DHX36: variants seen among roughly 807,000 people sequenced by gnomAD.
The protein encoded by DHX36 is DEAH-box helicase 36, also known as ATP-dependent DNA/RNA helicase DHX36.
A neutral mutation model predicts 139.0 loss-of-function variants in DHX36; 50 were observed. That is an observed-to-expected ratio of 0.36 (90% CI 0.29 to 0.46). The LOEUF is 0.46. Among genes scored for constraint, DHX36 ranks in the 20% least tolerant of loss-of-function variants. DHX36 has a pLI of 1.00. For synonymous variants in DHX36, 425 were observed against 401.9 expected (o/e 1.06, Z -0.69); for missense variants, 1,024 against 1,211.3 (o/e 0.85, Z 2.29).
rs75588646 is a variant in DHX36, at chr3:154,307,884, T to C, written c.814-1589A>G. ...CGGAATCAATCTAAGTGCTCATCAA[T>C]GGATGACTGGATAAGGAAAATGTGG... On this transcript the variant is annotated intron_variant, in intron 5 of 24. Coordinates refer to ENST00000496811, the MANE Select transcript of DHX36 (RefSeq NM_020865.3). Among the ~76,000 whole-genome samples the C allele has an allele frequency of 2.3e-3, 346 of 152,088 alleles. 10 individuals are homozygous for C. In the East Asian group the frequency reaches 0.034, roughly 15 times the overall value.
At position 154,293,536 on chromosome 3, in the gene DHX36, C is replaced by T. The variant is rs549097869; in HGVS notation, c.1670+212G>A. Among the ~76,000 whole-genome samples the T allele has an allele frequency of 3.3e-5, 5 of 152,222 alleles. No individual in the cohort carries two copies. The South Asian group carries it at 1.0e-3, about 32-fold the overall frequency. ...GATCAAGGCTGCAGTGAGCCATGAT[C>T]GTGCCACTGCACTGCAGCATGGGTG... On this transcript the variant is annotated intron_variant, in intron 14 of 24. Transcript: ENST00000496811.
intron 15 of DHX36, among the ~76,000 whole-genome samples, chr3:154,292,215 T>C (rs112777238): frequency 8.4e-4 from 128 of 152,302 alleles, no homozygotes; most frequent in African/African-American, 2.8e-3. Context: ...GGATCAAGTG[T>C]TCAGGAGATG....
At chr3:154,318,925 T>C (rs1420699365) in intron 1 of DHX36, among the ~76,000 whole-genome samples, 1 of 152,206 alleles carries the variant, frequency 6.6e-6, no homozygotes, top group Admixed American at 6.5e-5. Flanking sequence ...CAGAGAAGTC[T>C]GTCAATGGAA....
At position 154,324,225 on chromosome 3, in the gene DHX36, C is replaced by A. The variant is rs866694888; in HGVS notation, c.192G>T (p.Met64Ile). The A allele has an allele frequency of 6.2e-7, 1 of 1,613,508 alleles. No homozygotes were observed. The highest frequency in any genetic ancestry group is 1.3e-5 in the African/African-American group (1 of 74,918). ...TCTGCCCCTGTTTTTTCGCGTACCA[C>A]ATGCCGATTTCGCGGCCTTTCAGGT... ...PGHLKGREIG[M>I]WYAKKQGQKN... The change falls in exon 1 of 25, where the codon ATG (methionine) becomes ATT (isoleucine). Residue 64 changes from methionine to isoleucine, a missense_variant. Physicochemically the swap from Met to Ile is conservative, Grantham distance 10. This residue lies in a region of DHX36 where 293 missense variants were observed against 274.4 expected (regional missense o/e 1.07). Coordinates refer to ENST00000496811, the MANE Select transcript of DHX36 (RefSeq NM_020865.3).
intron 12 of DHX36, among the ~76,000 whole-genome samples, chr3:154,296,788 T>A (rs893147255): frequency 6.6e-6 from 1 of 152,148 alleles, no homozygotes; most frequent in Non-Finnish European, 1.5e-5. Flanking sequence ...GATATGATGA[T>A]CCCCATGGAC....
At position 154,316,036 on chromosome 3, in the gene DHX36, T is replaced by C. The variant is rs372836121; in HGVS notation, c.368+3A>G. The C allele has an allele frequency of 1.2e-6, 2 of 1,611,370 alleles. No homozygotes were observed. The highest frequency in any genetic ancestry group is 1.7e-5 in the Admixed American group (1 of 59,498). On this transcript the variant is annotated splice_donor_region_variant and intron_variant, in intron 2 of 24. Coordinates refer to ENST00000496811, the MANE Select transcript of DHX36 (RefSeq NM_020865.3). ...TTCTTTAAAAAAATATTTCTTGTCG[T>C]ACCCATGATCCTCAGGAGCAAACCA...
intron 19 of DHX36, 71 bp from the exon 20 acceptor site, chr3:154,283,342 A>C: frequency 9.5e-7 from 1 of 1,053,822 alleles, no homozygotes; most frequent in Non-Finnish European, 1.5e-6. Flanking sequence ...TTCCCTCTTT[A>C]CTTTAGTAAA....
chr3:154,301,042 TTTC>T lies in DHX36; in HGVS notation c.1300_1302del (p.Glu434del). 6.2e-7 allele frequency: 1 copy of T among 1,608,938 alleles called. No individual in the cohort carries two copies. Among genetic ancestry groups the T allele is most frequent in the East Asian group, 2.2e-5 (1 of 44,812 alleles). On this transcript the variant is annotated inframe_deletion, in exon 10 of 25. Coordinates refer to ENST00000496811, the MANE Select transcript of DHX36 (RefSeq NM_020865.3). ...CAACGTTCTTTATATATTGCTTCTTTTTCTTCTTTTTCTTGTCTATTTACATGC... is the reference window on the plus strand; with the variant it reads ...CAACGTTCTTTATATATTGCTTCTTTTTCTTTTTCTTGTCTATTTACATGC...
intron 15 of DHX36, among the ~76,000 whole-genome samples, chr3:154,290,399 G>A (rs895338468): frequency 1.3e-5 from 2 of 151,932 alleles, no homozygotes; most frequent in Non-Finnish European, 1.5e-5. Flanking sequence ...ACTCTGGGAC[G>A]CCGAGGTGGG....
intron 12 of DHX36, among the ~76,000 whole-genome samples, chr3:154,298,924 T>A (rs573034585): frequency 1.3e-3 from 201 of 151,384 alleles, no homozygotes; most frequent in African/African-American, 4.5e-3. Context: ...AAAAATAAAT[T>A]AATAAATAAA....
intron 14 of DHX36, 33 bp from the exon 15 acceptor site, chr3:154,292,727 AC>A (rs1355839878): frequency 8.8e-6 from 1 of 113,014 alleles, no homozygotes; most frequent in East Asian, 2.9e-4. Context: ...AAATGTTAAA[AC>A]ACACACACAC....
chr3:154,303,730 C>T (rs761100303), intron 8 of DHX36, among the ~76,000 whole-genome samples: 1 of 152,040 alleles, frequency 6.6e-6, no homozygotes, highest in Non-Finnish European at 1.5e-5. Context: ...CATCATTAAC[C>T]CAGATGGTGC....
intron 5 of DHX36, among the ~76,000 whole-genome samples, chr3:154,307,096 A>G (rs1456489483): frequency 6.6e-6 from 1 of 152,146 alleles, no homozygotes; most frequent in Non-Finnish European, 1.5e-5. Flanking sequence ...ATTTTTCACC[A>G]TTCTGTAATT....
At chr3:154,306,159 T>C in intron 6 of DHX36, 57 bp downstream of exon 6, 1 of 1,262,662 alleles carries the variant, frequency 7.9e-7, no homozygotes, top group Non-Finnish European at 1.2e-6. Flanking sequence ...CTTTTGAATC[T>C]CCAGCTTCAA....
At chr3:154,276,690 A>T (rs199632295) in intron 24 of DHX36, 57 bp downstream of exon 24, 19 of 1,545,740 alleles carry the variant, frequency 1.2e-5, no homozygotes, top group Non-Finnish European at 1.3e-5. Context: ...GAACAAAACC[A>T]CATGACCACA....
chr3:154,312,823 A>G (rs1712809579), intron 3 of DHX36, among the ~76,000 whole-genome samples: 1 of 132,688 alleles, frequency 7.5e-6, no homozygotes, highest in Non-Finnish European at 1.6e-5. Context: ...GCAAGACTCC[A>G]TCTCAAAAAA....
At chr3:154,298,263 T>G (rs561825961) in intron 12 of DHX36, among the ~76,000 whole-genome samples, 154 of 152,314 alleles carry the variant, frequency 1.0e-3, no homozygotes, top group African/African-American at 3.7e-3. Context: ...TTATCTTCAT[T>G]GGTAAATATA....
chr3:154,300,730 T>TGA, intron 10 of DHX36, 34 bp from the exon 11 acceptor site: 1 of 1,538,384 alleles, frequency 6.5e-7, no homozygotes, highest in African/African-American at 1.4e-5. Flanking sequence ...ATGAAATACT[T>TGA]AATCAAGTTT....
intron 1 of DHX36, among the ~76,000 whole-genome samples, chr3:154,322,023 C>T (rs577208674): frequency 1.3e-5 from 2 of 151,608 alleles, no homozygotes; most frequent in Non-Finnish European, 2.9e-5. Flanking sequence ...TGATATCAAG[C>T]TAAAGGTGGT....
Sources: gnomAD v4.1 joint callset for allele counts (sites outside exome capture counted in the v4.1 genomes callset) on GRCh38, gnomAD v4.1.1 for gene constraint, gnomAD v4.1.1 regional missense constraint, MANE v1.5 for transcripts, NCBI Gene and HGNC (gene_info 2026-07-23, HGNC 2026-07-21) for gene names.